The following WHR1 variants were observed in gnomAD, a reference collection of about 807,000 sequenced individuals.
The protein encoded by WHR1 is winged helix repair factor 1, also known as MHC class III HLA-RP1.
At chr6:31,980,086 G>A in the WHR1 span, 1 of 285,782 alleles carries the variant, frequency 3.5e-6, no homozygotes, top group Non-Finnish European at 6.6e-6. Flanking sequence ...TGGGAGCCAT[G>A]GCGCAGTCTG....
chr6:31,979,306 G>A, the WHR1 span: 4 of 1,467,040 alleles, frequency 2.7e-6, no homozygotes, highest in Non-Finnish European at 3.7e-6. Flanking sequence ...ATGAGAGGTG[G>A]AAGGATCTGA....
At chr6:31,979,549 A>G in the WHR1 span, 3 of 1,612,816 alleles carry the variant, frequency 1.9e-6, no homozygotes, top group Non-Finnish European at 1.7e-6. Context: ...GGACTCAGAA[A>G]TCACGTGAGA....
the WHR1 span, among the ~76,000 whole-genome samples, chr6:31,976,432 TCA>T: frequency 1.3e-5 from 2 of 150,434 alleles, no homozygotes; most frequent in East Asian, 4.0e-4. Flanking sequence ...GAGGCGCTCC[TCA>T]CATCCCAGAC....
chr6:31,978,178 G>T, the WHR1 span, among the ~76,000 whole-genome samples: 2 of 152,206 alleles, frequency 1.3e-5, no homozygotes, highest in African/African-American at 4.8e-5. Context: ...GTCTCACTGT[G>T]TTGCCCAGTT....
chr6:31,974,009 C>T, the WHR1 span, among the ~76,000 whole-genome samples: 2 of 152,074 alleles, frequency 1.3e-5, no homozygotes, highest in Admixed American at 6.6e-5. Flanking sequence ...CAGAGGCCGG[C>T]GCGGTGGCTC....
At chr6:31,978,157 T>A in the WHR1 span, among the ~76,000 whole-genome samples, 2 of 152,158 alleles carry the variant, frequency 1.3e-5, no homozygotes, top group Non-Finnish European at 2.9e-5. Flanking sequence ...CAATTTTTTT[T>A]AAGAGATGGG....
At chr6:31,971,743 G>C in the WHR1 span, 1 of 1,486,454 alleles carries the variant, frequency 6.7e-7, no homozygotes. This position sits in a 1 kb window ranked among gnomAD's most constrained non-coding sequence, Gnocchi z 4.5. Flanking sequence ...AGGATGACTG[G>C]TTTAGGACTA....
the WHR1 span, chr6:31,980,425 C>G: frequency 6.3e-7 from 1 of 1,597,726 alleles, no homozygotes; most frequent in Non-Finnish European, 8.5e-7. Context: ...CAGCCCTCAT[C>G]TCTGCTGGCT....
chr6:31,971,858 C>A, the WHR1 span: 4 of 1,397,616 alleles, frequency 2.9e-6, no homozygotes, highest in Non-Finnish European at 3.8e-6. The surrounding 1 kb of genome is among the most constrained non-coding windows in gnomAD (Gnocchi z 4.5). Context: ...CTTCACCCAC[C>A]CTCCCTCCAG....
chr6:31,975,886 A>G, the WHR1 span, among the ~76,000 whole-genome samples: 12 of 135,774 alleles, frequency 8.8e-5, no homozygotes, highest in East Asian at 2.3e-4. Context: ...CCTCCCGGAC[A>G]GGGCGGCTGG....
At chr6:31,979,550 T>A in the WHR1 span, 1 of 1,612,788 alleles carries the variant, frequency 6.2e-7, no homozygotes, top group Non-Finnish European at 8.5e-7. Flanking sequence ...GACTCAGAAA[T>A]CACGTGAGAC....
At chr6:31,980,157 G>A in the WHR1 span, 1 of 431,440 alleles carries the variant, frequency 2.3e-6, no homozygotes, top group Non-Finnish European at 4.1e-6. Flanking sequence ...AAGACCGAAT[G>A]TGTGTCAGGA....
chr6:31,973,006 G>A, the WHR1 span: 2 of 716,230 alleles, frequency 2.8e-6, no homozygotes, highest in East Asian at 2.7e-5. Context: ...AACATACAGC[G>A]CTGGGAGTGC....
At chr6:31,975,641 ATT>A in the WHR1 span, among the ~76,000 whole-genome samples, 31 of 124,868 alleles carry the variant, frequency 2.5e-4, no homozygotes, top group Non-Finnish European at 3.2e-4. Context: ...TAATTCCACT[ATT>A]TTTTTTTTTT....
chr6:31,973,060 T>G, the WHR1 span: 18 of 651,306 alleles, frequency 2.8e-5, 1 homozygote, highest in South Asian at 2.6e-4. Context: ...TCAGTGTTGT[T>G]TCCATCTTAC....
At chr6:31,977,061 T>G in the WHR1 span, among the ~76,000 whole-genome samples, 1 of 152,362 alleles carries the variant, frequency 6.6e-6, no homozygotes, top group South Asian at 2.1e-4. Context: ...ATTACTTGTC[T>G]TTTGGGGTTT....
chr6:31,979,014 C>G, the WHR1 span: 1 of 1,609,624 alleles, frequency 6.2e-7, no homozygotes, highest in Admixed American at 1.7e-5. Flanking sequence ...TGACTGTGTG[C>G]GTCAGGGGTG....
the WHR1 span, chr6:31,971,603 G>T: frequency 6.2e-7 from 1 of 1,613,436 alleles, no homozygotes; most frequent in African/African-American, 1.3e-5. The surrounding 1 kb of genome is among the most constrained non-coding windows in gnomAD (Gnocchi z 4.5). Flanking sequence ...GAAGGTGCTG[G>T]ACGAGGTAGT....
chr6:31,975,429 C>T, the WHR1 span, among the ~76,000 whole-genome samples: 18 of 152,122 alleles, frequency 1.2e-4, no homozygotes, highest in Admixed American at 1.2e-3. Context: ...TCTTGATCTC[C>T]TGACCTCGTG....
Sources: allele counts gnomAD v4.1 joint callset (sites outside exome capture counted in the v4.1 genomes callset), GRCh38; gene constraint gnomAD v4.1.1; non-coding constraint Gnocchi (gnomAD v3.1); transcripts MANE v1.5; gene names NCBI Gene and HGNC (gene_info 2026-07-23, HGNC 2026-07-21).